The following WNT3 variants were observed in gnomAD, a reference collection of about 807,000 sequenced individuals.
The protein encoded by WNT3 is proto-oncogene Wnt-3.
A neutral mutation model predicts 34.2 loss-of-function variants in WNT3; 7 were observed. The observed-to-expected ratio is 0.20, with a 90% CI of 0.12 to 0.38. The LOEUF is 0.38. Ranked by LOEUF, WNT3 falls within the 10% of genes least tolerant of loss-of-function variation. The probability of loss-of-function intolerance (pLI) is 1.00; values close to 1 mark genes in which losing one functional copy is unlikely to be tolerated. For missense variants in WNT3, 267 were observed against 499.8 expected (o/e 0.53, Z 4.44); for synonymous variants, 212 against 211.5 (o/e 1.00, Z -0.02).
intron 1 of WNT3, among the ~76,000 whole-genome samples, chr17:46,791,928 T>C (rs1054960968): frequency 2.0e-5 from 3 of 152,142 alleles, no homozygotes; most frequent in African/African-American, 7.2e-5. Flanking sequence ...TAGTCCCAGC[T>C]ACTGGGGAGA....
In WNT3 at chr17:46,768,128, T is replaced by C. The variant is rs2059330763; in HGVS notation, c.*8+184A>G. Among the ~76,000 whole-genome samples, 1 of 152,160 alleles carries C rather than the reference T, an allele frequency of 6.6e-6. No homozygotes were observed. The highest frequency in any genetic ancestry group is 1.5e-5 in the Non-Finnish European group (1 of 68,026). Reference sequence around the variant, plus strand: ...TCTGTGCTTTGTGCAATCCACCAAGTCTCTGCCCAAGGACCATTCCCACGG... The same window carrying C: ...TCTGTGCTTTGTGCAATCCACCAAGCCTCTGCCCAAGGACCATTCCCACGG... On this transcript the variant is annotated intron_variant, in intron 4 of 4. Transcript: ENST00000225512. The surrounding 1 kb of genome is among the most constrained non-coding windows in gnomAD (Gnocchi z 5.0).
chr17:46,816,123 A>ACACACGCACGCACG (rs1555689271), intron 1 of WNT3, among the ~76,000 whole-genome samples: 1 of 147,962 alleles, frequency 6.8e-6, no homozygotes, highest in Non-Finnish European at 1.5e-5. Flanking sequence ...ACACACACAC[A>ACACACGCACGCACG]CACACACTCA....
chr17:46,785,700 A>C (rs1490173833), intron 1 of WNT3, among the ~76,000 whole-genome samples: 2 of 152,220 alleles, frequency 1.3e-5, no homozygotes, highest in Non-Finnish European at 2.9e-5. Context: ...GGTTCTGGGC[A>C]GCCGTGGGGA....
At chr17:46,804,302 G>T (rs921213186) in intron 1 of WNT3, among the ~76,000 whole-genome samples, 1 of 152,072 alleles carries the variant, frequency 6.6e-6, no homozygotes, top group Non-Finnish European at 1.5e-5. Flanking sequence ...TGGCCAGGCT[G>T]GTTCGAACTC....
chr17:46,768,266 C>T lies in WNT3; in HGVS notation c.*8+46G>A. Reference sequence around the variant, plus strand: ...ACGAGATGGGCAAACAACCCCATTCCCTGCGCCCAGGCTCCCAGCCTCCCC... The same window carrying T: ...ACGAGATGGGCAAACAACCCCATTCTCTGCGCCCAGGCTCCCAGCCTCCCC... On this transcript the variant is annotated intron_variant, in intron 4 of 4. Coordinates refer to ENST00000225512, the MANE Select transcript of WNT3 (RefSeq NM_030753.5). The surrounding 1 kb of genome is among the most constrained non-coding windows in gnomAD (Gnocchi z 5.0). The T allele has an allele frequency of 1.3e-5, 21 of 1,610,872 alleles. No homozygotes were observed. Among genetic ancestry groups the T allele is most frequent in the Non-Finnish European group, 1.8e-5 (21 of 1,179,888 alleles).
chr17:46,785,767 T>C (rs916888), intron 1 of WNT3, among the ~76,000 whole-genome samples: 28,977 of 151,812 alleles, frequency 0.19, 3,151 homozygotes, highest in Middle Eastern at 0.31. Flanking sequence ...AGACTATACC[T>C]CAGTCAGAGG....
chr17:46,815,644 C>T (rs2084331882), intron 1 of WNT3, among the ~76,000 whole-genome samples: 1 of 152,090 alleles, frequency 6.6e-6, no homozygotes, highest in East Asian at 1.9e-4. Flanking sequence ...GGTGACTCAC[C>T]CTCCACCCCA....
chr17:46,771,765 G>GCCGCGCCGCGCCCCCCGCCC (rs1568075372), intron 2 of WNT3, among the ~76,000 whole-genome samples: 7 of 572 alleles, frequency 0.012, no homozygotes, highest in Non-Finnish European at 0.037. Context: ...CCGCCCCCGC[G>GCCGCGCCGCGCCCCCCGCCC]CCGCGCCGCG....
intron 1 of WNT3, 24 bp downstream of exon 1, chr17:46,818,494 G>A (rs758950849): frequency 1.9e-6 from 3 of 1,591,274 alleles, no homozygotes. Context: ...ACCGGGCCGC[G>A]GGCAGACAAG....
At chr17:46,788,011 A>G (rs1329671613) in intron 1 of WNT3, among the ~76,000 whole-genome samples, 1 of 151,810 alleles carries the variant, frequency 6.6e-6, no homozygotes, top group Non-Finnish European at 1.5e-5. Flanking sequence ...ACCCCACCTC[A>G]GTGCAGGTGA....
rs541684100 is a variant in WNT3, at chr17:46,768,932, T to C, written c.589-133A>G. ...TCCTCTGTGACAGGAAGAGAACTGA[T>C]GGGGACTGAGGCAAGACCTAAAGAA... On this transcript the variant is annotated intron_variant, in intron 3 of 4. Transcript: ENST00000225512. This position sits in a 1 kb window ranked among gnomAD's most constrained non-coding sequence, Gnocchi z 5.0. 3.8e-5 allele frequency: 52 copies of C among 1,381,916 alleles called. 1 individual carries two copies. The South Asian group carries it at 6.7e-4, about 18-fold the overall frequency. The allele number at this position is 1,381,916 out of a possible 1,614,324, so 85.6% of individuals were successfully genotyped here.
chr17:46,779,104 C>CACACACACACACACACACACA (rs1555683622), intron 1 of WNT3, among the ~76,000 whole-genome samples: 22 of 130,794 alleles, frequency 1.7e-4, no homozygotes, highest in Non-Finnish European at 2.3e-4. Context: ...CACACACACA[C>CACACACACACACACACACACA]CCCAGCCCAC....
chr17:46,770,528 C>G (rs2146376573), intron 2 of WNT3, among the ~76,000 whole-genome samples: 1 of 152,308 alleles, frequency 6.6e-6, no homozygotes, highest in East Asian at 1.9e-4. Context: ...AGGCCCACCC[C>G]TTCCGCACGT....
chr17:46,779,215 C>T (rs976445881), intron 1 of WNT3, among the ~76,000 whole-genome samples: 4 of 152,176 alleles, frequency 2.6e-5, no homozygotes, highest in Non-Finnish European at 5.9e-5. Flanking sequence ...CCTCACTCGC[C>T]AGACCTCCCG....
In WNT3 at chr17:46,769,840, C is replaced by A; in HGVS notation, c.531G>T (p.Glu177Asp). 1 of 1,613,410 alleles carries A rather than the reference C, an allele frequency of 6.2e-7. No individual in the cohort carries two copies. Among genetic ancestry groups the A allele is most frequent in the Non-Finnish European group, 8.5e-7 (1 of 1,179,902 alleles). Residue 177 changes from glutamate to aspartate, a missense_variant, in exon 3 of 5, where the codon GAG becomes GAT. By Grantham distance (45) the Glu-to-Asp change is conservative (BLOSUM62 2). Around this residue, in one of 3 missense-constraint regions of WNT3, gnomAD observed 181 missense variants for 391.3 expected, o/e 0.46. Transcript: ENST00000225512. ...TGGCCGAGCGCGCGTCCGGCCTGTT[C>A]TCGCGCGCATCCGCGAACTCCCTGG... ...LVSREFADAR[E>D]NRPDARSAMN...
At chr17:46,784,038 G>T (rs2146406638) in intron 1 of WNT3, among the ~76,000 whole-genome samples, 1 of 152,268 alleles carries the variant, frequency 6.6e-6, no homozygotes, top group Admixed American at 6.5e-5. Context: ...CAACCTCCCA[G>T]GGCTCAGCTC....
rs941882258 is a variant in WNT3 at position 46,784,507 on chromosome 17, A to G, written c.81-10598T>C. On this transcript the variant is annotated intron_variant, in intron 1 of 4. Coordinates refer to ENST00000225512, the MANE Select transcript of WNT3 (RefSeq NM_030753.5). The stretch of plus-strand genomic sequence containing the variant: ...GTCACGGTGGGAGCATTGATGCCAT[A>G]TGCCAAGGGGTGGAGGCACCAGGGA... 5.9e-5 allele frequency among the ~76,000 whole-genome samples: 9 copies of G among 152,174 alleles called. No homozygotes were observed. The East Asian group carries it at 1.7e-3, about 30-fold the overall frequency.
intron 1 of WNT3, among the ~76,000 whole-genome samples, chr17:46,778,275 C>T (rs561600031): frequency 2.0e-5 from 3 of 152,308 alleles, no homozygotes; most frequent in African/African-American, 7.2e-5. Flanking sequence ...CCTCAGTCCT[C>T]ACAGGGGTGG....
At chr17:46,809,383 A>G (rs2084240737) in intron 1 of WNT3, among the ~76,000 whole-genome samples, 1 of 152,206 alleles carries the variant, frequency 6.6e-6, no homozygotes, top group East Asian at 1.9e-4. Context: ...CTGGCAGATA[A>G]GTGGGACTCT....
Sources: gnomAD v4.1 joint callset for allele counts (sites outside exome capture counted in the v4.1 genomes callset) on GRCh38, gnomAD v4.1.1 for gene constraint, gnomAD v4.1.1 regional missense constraint, Gnocchi (gnomAD v3.1) non-coding constraint, MANE v1.5 for transcripts, NCBI Gene and HGNC (gene_info 2026-07-23, HGNC 2026-07-21) for gene names.